KATNAL2: variants seen among roughly 807,000 people sequenced by gnomAD.
The protein encoded by KATNAL2 is katanin p60 ATPase-containing subunit A-like 2.
A neutral mutation model predicts 76.3 loss-of-function variants in KATNAL2; 52 were observed. The observed-to-expected ratio is 0.68, with a 90% CI of 0.55 to 0.86. KATNAL2 has a LOEUF of 0.86. Among genes scored for constraint, KATNAL2 ranks in the 40% least tolerant of loss-of-function variants. The pLI is 0.00. For synonymous variants in KATNAL2, 243 were observed against 244.2 expected (o/e 1.00, Z 0.05); for missense variants, 660 against 668.9 (o/e 0.99, Z 0.15).
At chr18:47,069,938 A>G (rs191604086) in intron 13 of KATNAL2, among the ~76,000 whole-genome samples, 25 of 152,202 alleles carry the variant, frequency 1.6e-4, no homozygotes, top group Admixed American at 1.6e-3. Context: ...CATGTACACT[A>G]TATTTGGTTA....
At chr18:47,065,999 T>A (rs1239305156) in intron 10 of KATNAL2, among the ~76,000 whole-genome samples, 1 of 151,380 alleles carries the variant, frequency 6.6e-6, no homozygotes, top group Non-Finnish European at 1.5e-5. Context: ...ATTTAAAAAA[T>A]TTAAAAAAAA....
intron 1 of KATNAL2, among the ~76,000 whole-genome samples, chr18:46,935,619 A>C (rs1193529392): frequency 1.3e-5 from 2 of 151,742 alleles, no homozygotes; most frequent in African/African-American, 4.9e-5. Context: ...GTTTACATTG[A>C]AAAAGAAAAA....
At chr18:46,922,400 A>C (rs1323261098) in intron 1 of KATNAL2, among the ~76,000 whole-genome samples, 1 of 151,962 alleles carries the variant, frequency 6.6e-6, no homozygotes, top group Non-Finnish European at 1.5e-5. Flanking sequence ...CCCGGCCTCA[A>C]CTTTTTATTC....
rs763173377 is a variant in KATNAL2 at position 47,075,263 on chromosome 18, T to G, written c.1009-14T>G. ...CTATAAGCTTGAACACTTGCTTGCT[T>G]TTCCCCCACCCAGGTGTTATTTGAG... On this transcript the variant is annotated splice_polypyrimidine_tract_variant and intron_variant, in intron 13 of 17. Coordinates refer to ENST00000683218, the MANE Select transcript of KATNAL2 (RefSeq NM_001387690.1). 6.5e-7 allele frequency: 1 copy of G among 1,539,352 alleles called. No individual in the cohort carries two copies. The highest frequency in any genetic ancestry group is 8.7e-7 in the Non-Finnish European group (1 of 1,151,912).
chr18:47,066,283 G>T (rs984551992), intron 10 of KATNAL2, among the ~76,000 whole-genome samples: 1 of 152,204 alleles, frequency 6.6e-6, no homozygotes, highest in East Asian at 1.9e-4. Context: ...ACTGAGAAAG[G>T]CCCCTTAGTG....
intron 10 of KATNAL2, among the ~76,000 whole-genome samples, chr18:47,065,366 G>A (rs982146509): frequency 6.6e-6 from 1 of 151,026 alleles, no homozygotes; most frequent in Non-Finnish European, 1.5e-5. Flanking sequence ...CATTTCTAGA[G>A]AGCATTAGCT....
chr18:47,054,343 T>G (rs994855291), intron 5 of KATNAL2, 53 bp from the exon 6 acceptor site: 15 of 1,509,734 alleles, frequency 9.9e-6, no homozygotes, highest in Non-Finnish European at 1.4e-5. Flanking sequence ...AAAAAATCAC[T>G]TTGTCACTCT....
intron 16 of KATNAL2, 25 bp downstream of exon 16, chr18:47,099,430 A>G: frequency 1.3e-6 from 2 of 1,589,000 alleles, no homozygotes; most frequent in South Asian, 1.1e-5. Flanking sequence ...AGAGGGGCAC[A>G]TGTAGGTCAA....
At chr18:46,918,635 T>C (rs2058285476) in intron 1 of KATNAL2, among the ~76,000 whole-genome samples, 1 of 152,158 alleles carries the variant, frequency 6.6e-6, no homozygotes, top group Non-Finnish European at 1.5e-5. Flanking sequence ...TTGGTCAGGC[T>C]GGTCTCCAAC....
At chr18:47,098,128 G>A (rs1471170961) in intron 15 of KATNAL2, 1 of 182,478 alleles carries the variant, frequency 5.5e-6, no homozygotes, top group Non-Finnish European at 1.2e-5. Flanking sequence ...AATCAAGATG[G>A]TATGTATATA....
At chr18:47,066,915 A>C in intron 10 of KATNAL2, 106 bp from the exon 11 acceptor site, 2 of 218,284 alleles carry the variant, frequency 9.2e-6, no homozygotes, top group Admixed American at 6.3e-5. Flanking sequence ...TTTTATCACC[A>C]GCACTTTATA....
At chr18:46,955,390 A>ATT (rs1336708267) in intron 3 of KATNAL2, among the ~76,000 whole-genome samples, 3 of 140,144 alleles carry the variant, frequency 2.1e-5, no homozygotes, top group East Asian at 4.2e-4. Flanking sequence ...CTAATTTTGT[A>ATT]TTTTTTTTTT....
chr18:47,031,337 G>A (rs571626509), intron 3 of KATNAL2, among the ~76,000 whole-genome samples: 1 of 151,826 alleles, frequency 6.6e-6, no homozygotes, highest in Admixed American at 6.6e-5. Flanking sequence ...AAATATGTAT[G>A]TTTTCGGCTT....
chr18:47,054,578 A>G, intron 6 of KATNAL2, 140 bp downstream of exon 6: 1 of 800,886 alleles, frequency 1.2e-6, no homozygotes, highest in Non-Finnish European at 2.1e-6. Context: ...CCAGCCCAGG[A>G]CTTCTCTCAT....
In KATNAL2 at chr18:46,945,399, G is replaced by A. The variant is rs74978371; in HGVS notation, c.-509-658G>A. Among the ~76,000 whole-genome samples the A allele has an allele frequency of 8.3e-3, 1,266 of 152,308 alleles. 9 individuals carry two copies. Among genetic ancestry groups the A allele is most frequent in the Non-Finnish European group, 0.014 (953 of 68,026 alleles). On this transcript the variant is annotated intron_variant, in intron 1 of 17. Coordinates refer to ENST00000683218, the MANE Select transcript of KATNAL2 (RefSeq NM_001387690.1). ...AGTGACATTTGAGCTGTCTTAGCAG[G>A]CAATATAGACTTTTCTTATGCAGCA... is the stretch of plus-strand genomic sequence containing the variant.
intron 3 of KATNAL2, among the ~76,000 whole-genome samples, chr18:46,960,210 G>A (rs1457930995): frequency 1.3e-5 from 2 of 152,130 alleles, no homozygotes; most frequent in Non-Finnish European, 2.9e-5. Context: ...GCCCAGGTAG[G>A]TGGATCACCT....
At chr18:46,935,361 C>T (rs1353400539) in intron 1 of KATNAL2, among the ~76,000 whole-genome samples, 1 of 152,202 alleles carries the variant, frequency 6.6e-6, no homozygotes, top group Non-Finnish European at 1.5e-5. Context: ...GTAAACTCTG[C>T]AGCCTTGTTT....
chr18:47,047,964 C>T (rs2061214067), intron 4 of KATNAL2, among the ~76,000 whole-genome samples: 1 of 152,178 alleles, frequency 6.6e-6, no homozygotes, highest in Non-Finnish European at 1.5e-5. Flanking sequence ...GCCTCAACCT[C>T]CCAGTCACTG....
intron 3 of KATNAL2, among the ~76,000 whole-genome samples, chr18:46,951,824 G>A (rs995037419): frequency 6.6e-6 from 1 of 152,072 alleles, no homozygotes; most frequent in Non-Finnish European, 1.5e-5. Context: ...TGCTCTGTCA[G>A]CAGTGGCCCG....
Sources: gnomAD v4.1 joint callset for allele counts (sites outside exome capture counted in the v4.1 genomes callset) on GRCh38, gnomAD v4.1.1 for gene constraint, MANE v1.5 for transcripts, NCBI Gene and HGNC (gene_info 2026-07-23, HGNC 2026-07-21) for gene names.